DNMT1: variants seen among roughly 807,000 people sequenced by gnomAD.
DNMT1 encodes the protein DNA methyltransferase 1, also known as DNA (cytosine-5)-methyltransferase 1.
In DNMT1, 24 loss-of-function variants were observed where a neutral mutation model predicts 205.3. The observed-to-expected ratio is 0.12, with a 90% confidence interval of 0.08 to 0.16. The LOEUF (loss-of-function observed/expected upper bound fraction) is 0.16. DNMT1 is among the 10% of genes least tolerant of loss of function. The pLI, the probability that DNMT1 is intolerant of heterozygous loss-of-function variation, is 1.00. For synonymous variants in DNMT1, 817 were observed against 839.8 expected (o/e 0.97, Z 0.47); for missense variants, 1,293 against 2,177.7 (o/e 0.59, Z 8.09).
chr19:10,185,742 A>G lies in DNMT1; in HGVS notation c.81-3665T>C, dbSNP rs2039165413. Among the ~76,000 whole-genome samples the G allele has an allele frequency of 2.7e-5, 4 of 150,632 alleles. No homozygotes were observed. In the Admixed American group the frequency reaches 2.7e-4, roughly 10 times the overall value. ...CTACTTGGGAGGCTGAGGTGGGAGG[A>G]TCGCTTGAGCCTGGGAGGTTGAGGC... On this transcript the variant is annotated intron_variant, in intron 1 of 40. Coordinates refer to ENST00000359526, the MANE Select transcript of DNMT1 (RefSeq NM_001130823.3).
chr19:10,171,692 C>T (rs1360013239), intron 9 of DNMT1, among the ~76,000 whole-genome samples: 1 of 151,994 alleles, frequency 6.6e-6, no homozygotes, highest in Non-Finnish European at 1.5e-5. Flanking sequence ...GTGGTCCCAG[C>T]TACTCGGGAG....
At chr19:10,174,730 C>T (rs1336188350) in intron 7 of DNMT1, among the ~76,000 whole-genome samples, 1 of 149,898 alleles carries the variant, frequency 6.7e-6, no homozygotes, top group Non-Finnish European at 1.5e-5. Context: ...ACAACAACAA[C>T]AACAACAAAA....
chr19:10,138,318 G>A lies in DNMT1; in HGVS notation c.4115+121C>T, dbSNP rs2145259755. 6.8e-7 allele frequency: 1 copy of A among 1,477,348 alleles called. No homozygotes were observed. Among genetic ancestry groups the A allele is most frequent in the South Asian group, 1.2e-5 (1 of 86,146 alleles). The allele number at this position is 1,477,348 out of a possible 1,614,324, so 91.5% of individuals were successfully genotyped here. A position where few individuals can be genotyped will look rare whatever the true frequency, so the allele number is the denominator to read the frequency against. ...AGAGTGCCATGTGGCAGAGCACCGT[G>A]TGGCAGGGCAGATGCTGTACCATCC... On this transcript the variant is annotated intron_variant, in intron 35 of 40. Coordinates refer to ENST00000359526, the MANE Select transcript of DNMT1 (RefSeq NM_001130823.3). The surrounding 1 kb of genome is among the most constrained non-coding windows in gnomAD (Gnocchi z 4.1).
In DNMT1 at chr19:10,133,484, T is replaced by A; in HGVS notation, c.*183A>T. 1.5e-6 allele frequency: 1 copy of A among 677,234 alleles called. No individual in the cohort carries two copies. The highest frequency in any genetic ancestry group is 2.6e-6 in the Non-Finnish European group (1 of 388,284). 42.0% of individuals were successfully genotyped at this position (677,234 alleles called of 1,614,324 possible). ...TTAAAATCCAGAATGCACAAAGTAC[T>A]GCACAATTTGATCACTAAATCATTA... On this transcript the variant is annotated 3_prime_UTR_variant, in exon 41 of 41. Transcript: ENST00000359526. The surrounding 1 kb of genome is among the most constrained non-coding windows in gnomAD (Gnocchi z 4.1).
chr19:10,186,262 C>T (rs547799122), intron 1 of DNMT1, among the ~76,000 whole-genome samples: 19 of 152,312 alleles, frequency 1.2e-4, no homozygotes, highest in African/African-American at 4.3e-4. Context: ...TAGAATGTTT[C>T]ATCCAGTAGA....
rs116892102 is a variant in DNMT1, at chr19:10,146,887, G to C, written c.2721-363C>G. ...GACTCCTACTGTTCTCTCCATAAAG[G>C]CTCAACAGGTATTTGAGGAAATTCA... On this transcript the variant is annotated intron_variant, in intron 27 of 40. Coordinates refer to ENST00000359526, the MANE Select transcript of DNMT1 (RefSeq NM_001130823.3). The surrounding 1 kb of genome is among the most constrained non-coding windows in gnomAD (Gnocchi z 4.4). Among the ~76,000 whole-genome samples the C allele has an allele frequency of 2.2e-3, 331 of 152,292 alleles. No individual in the cohort carries two copies. The highest frequency in any genetic ancestry group is 4.0e-3 in the Non-Finnish European group (274 of 68,034).
At chr19:10,187,090 G>A (rs1449326918) in intron 1 of DNMT1, among the ~76,000 whole-genome samples, 2 of 151,872 alleles carry the variant, frequency 1.3e-5, no homozygotes, top group Non-Finnish European at 2.9e-5. Context: ...CCAGAGAGGT[G>A]GCTGGGGACA....
intron 9 of DNMT1, among the ~76,000 whole-genome samples, chr19:10,171,946 G>C (rs1180614345): frequency 1.3e-5 from 2 of 151,698 alleles, no homozygotes; most frequent in African/African-American, 4.8e-5. Context: ...GGCGGAGGTT[G>C]CAATGAGCCA....
rs2089612169 is a variant in DNMT1, at chr19:10,142,123, C to A, written c.3214G>T (p.Val1072Leu). The A allele has an allele frequency of 8.1e-6, 13 of 1,613,912 alleles. No homozygotes were observed. The highest frequency in any genetic ancestry group is 1.1e-5 in the Non-Finnish European group (13 of 1,180,024). Residue 1072 changes from valine (V) to leucine (L), a missense_variant, in exon 30 of 41, where the codon GTG becomes TTG. Transcript: ENST00000359526. ...DEEAVVDFKA[V>L]QGRCTVEYGE... is the part of the protein sequence containing the mutation. ...TACTCCACGGTGCAGCGGCCCTGCA[C>A]AGCCTTGAAGTCCACCACGGCCTCC... is the stretch of plus-strand genomic sequence containing the variant.
intron 9 of DNMT1, among the ~76,000 whole-genome samples, chr19:10,169,713 C>T (rs569780667): frequency 6.6e-6 from 1 of 152,054 alleles, no homozygotes; most frequent in South Asian, 2.1e-4. Flanking sequence ...TTGAAGTGAG[C>T]GGAGATCGCA....
chr19:10,181,812 G>C (rs1351212610), intron 2 of DNMT1, among the ~76,000 whole-genome samples: 2 of 151,994 alleles, frequency 1.3e-5, no homozygotes, highest in Non-Finnish European at 2.9e-5. Flanking sequence ...CTGGGTGACA[G>C]AGTGAGACTC....
intron 19 of DNMT1, 81 bp from the exon 20 acceptor site, chr19:10,155,137 C>T: frequency 6.4e-7 from 1 of 1,563,262 alleles, no homozygotes; most frequent in Non-Finnish European, 8.8e-7. Context: ...GAGGAGTCTA[C>T]CAAACTCACC....
intron 1 of DNMT1, among the ~76,000 whole-genome samples, chr19:10,184,814 G>C (rs2039146616): frequency 6.6e-6 from 1 of 152,202 alleles, no homozygotes; most frequent in African/African-American, 2.4e-5. Flanking sequence ...GCAGGGACCA[G>C]GCCACTGCCA....
chr19:10,155,869 G>A lies in DNMT1; in HGVS notation c.1476C>T (p.Leu492=). The part of the protein sequence containing the change: ...ITGFDGGEKA[L]IGFSTSFAEY... Reference sequence around the variant, plus strand: ...CACACTTACAGGTGCTGAAGCCGATGAGGGCCTTTTCACCTCCATCAAAGC... The same window carrying A: ...CACACTTACAGGTGCTGAAGCCGATAAGGGCCTTTTCACCTCCATCAAAGC... Residue 492 remains leucine (L), a synonymous_variant, in exon 19 of 41, where the codon CTC becomes CTT. Coordinates refer to ENST00000359526, the MANE Select transcript of DNMT1 (RefSeq NM_001130823.3). 1 of 1,613,694 alleles carries A rather than the reference G, an allele frequency of 6.2e-7. No individual in the cohort carries two copies. The highest frequency in any genetic ancestry group is 1.7e-5 in the Admixed American group (1 of 59,922).
At chr19:10,148,820 C>T (rs952292245) in intron 27 of DNMT1, 64 bp downstream of exon 27, 61 of 1,611,950 alleles carry the variant, frequency 3.8e-5, no homozygotes, top group African/African-American at 2.5e-4. Flanking sequence ...CGGAAGCACA[C>T]GGGAAAAGGG....
chr19:10,186,918 C>T (rs954816152), intron 1 of DNMT1, among the ~76,000 whole-genome samples: 1 of 151,658 alleles, frequency 6.6e-6, no homozygotes, highest in Non-Finnish European at 1.5e-5. Flanking sequence ...TGCGGGATTC[C>T]CAAGAGAAAG....
chr19:10,171,364 G>C (rs2145354655), intron 9 of DNMT1, among the ~76,000 whole-genome samples: 1 of 152,252 alleles, frequency 6.6e-6, no homozygotes, highest in South Asian at 2.1e-4. Flanking sequence ...GACTGAAACT[G>C]ACTAGTTGAT....
chr19:10,187,875 G>C (rs1267901805), intron 1 of DNMT1, among the ~76,000 whole-genome samples: 1 of 151,928 alleles, frequency 6.6e-6, no homozygotes, highest in Non-Finnish European at 1.5e-5. Context: ...GGGTGTGCTA[G>C]CATGTGCCTA....
chr19:10,163,153 G>A (rs560985519), intron 12 of DNMT1, among the ~76,000 whole-genome samples, 173 bp downstream of exon 12: 2 of 151,956 alleles, frequency 1.3e-5, no homozygotes, highest in Non-Finnish European at 2.9e-5. Flanking sequence ...GTACAGACAG[G>A]GTTCCACCAT....
Sources: allele counts gnomAD v4.1 joint callset (sites outside exome capture counted in the v4.1 genomes callset), GRCh38; gene constraint gnomAD v4.1.1; non-coding constraint Gnocchi (gnomAD v3.1); transcripts MANE v1.5; gene names NCBI Gene and HGNC (gene_info 2026-07-23, HGNC 2026-07-21).